HS3ST4: variants seen among roughly 807,000 people sequenced by gnomAD.
The protein encoded by HS3ST4 is heparan sulfate glucosamine 3-O-sulfotransferase 4.
A neutral mutation model predicts 29.2 loss-of-function variants in HS3ST4; 17 were observed. The observed-to-expected ratio is 0.58, with a 90% CI of 0.40 to 0.87. The LOEUF is 0.87. Among genes scored for constraint, HS3ST4 ranks in the 40% least tolerant of loss-of-function variants. The pLI is 0.00. For missense variants in HS3ST4, 627 were observed against 634.5 expected, an observed-to-expected ratio of 0.99 and a Z score of 0.13; for synonymous variants, 314 against 285.7, an observed-to-expected ratio of 1.10 and a Z score of -1.00.
At chr16:25,886,336 A>C (rs930201754) in intron 1 of HS3ST4, among the ~76,000 whole-genome samples, 1 of 152,012 alleles carries the variant, frequency 6.6e-6, no homozygotes, top group African/African-American at 2.4e-5. Context: ...TCCAGCCCTT[A>C]CCGTGTATTT....
At position 25,785,285 on chromosome 16, in the gene HS3ST4, G is replaced by C. The variant is rs913850666; in HGVS notation, c.734+92134G>C. On this transcript the variant is annotated intron_variant, in intron 1 of 1. Coordinates refer to ENST00000331351, the MANE Select transcript of HS3ST4 (RefSeq NM_006040.3). Reference sequence around the variant, plus strand: ...CCTTTTGCAGCCCATGGATAGAGGAGTAATTTGGACTTCCAAGTCTTATTA... The same window carrying C: ...CCTTTTGCAGCCCATGGATAGAGGACTAATTTGGACTTCCAAGTCTTATTA... Among the ~76,000 whole-genome samples, 3 of 152,348 alleles carry C rather than the reference G, an allele frequency of 2.0e-5. No homozygotes were observed. In the East Asian group the frequency reaches 5.8e-4, roughly 29 times the overall value.
At chr16:25,908,290 C>G (rs139447258) in intron 1 of HS3ST4, among the ~76,000 whole-genome samples, 471 of 152,236 alleles carry the variant, frequency 3.1e-3, no homozygotes, top group African/African-American at 0.011. Context: ...GCAGCATCAC[C>G]CATGAATTGC....
intron 1 of HS3ST4, among the ~76,000 whole-genome samples, chr16:25,949,820 CT>C (rs1968665515): frequency 6.6e-6 from 1 of 152,112 alleles, no homozygotes; most frequent in Admixed American, 6.6e-5. Flanking sequence ...TTTCACTAAA[CT>C]GACCAAGCAG....
intron 1 of HS3ST4, among the ~76,000 whole-genome samples, chr16:26,065,660 T>C (rs914389488): frequency 6.6e-6 from 1 of 151,718 alleles, no homozygotes; most frequent in African/African-American, 2.4e-5. Flanking sequence ...TAAAATATGG[T>C]CCAGTAAGTT....
intron 1 of HS3ST4, among the ~76,000 whole-genome samples, chr16:26,088,937 A>G (rs1165014794): frequency 2.6e-5 from 4 of 152,242 alleles, no homozygotes; most frequent in African/African-American, 4.8e-5. Flanking sequence ...CATCCAAAAT[A>G]TACCTCTCAA....
chr16:25,787,237 T>C (rs1966859016), intron 1 of HS3ST4, among the ~76,000 whole-genome samples: 1 of 152,212 alleles, frequency 6.6e-6, no homozygotes, highest in Non-Finnish European at 1.5e-5. Context: ...AGAAGAAAAA[T>C]GCTGGTTATT....
chr16:25,961,039 G>A (rs1295874485), intron 1 of HS3ST4, among the ~76,000 whole-genome samples: 5 of 152,076 alleles, frequency 3.3e-5, no homozygotes, highest in East Asian at 3.9e-4. Flanking sequence ...TACTTATTTC[G>A]TTACATAGAC....
intron 1 of HS3ST4, among the ~76,000 whole-genome samples, chr16:26,045,595 G>T (rs1028958908): frequency 6.6e-6 from 1 of 152,106 alleles, no homozygotes; most frequent in Non-Finnish European, 1.5e-5. Context: ...CTCCACACTA[G>T]ATCTGAGCTC....
intron 1 of HS3ST4, among the ~76,000 whole-genome samples, chr16:26,027,779 CTG>C (rs1283657109): frequency 2.0e-5 from 3 of 152,120 alleles, no homozygotes; most frequent in Non-Finnish European, 2.9e-5. Context: ...GAAGAAGAAA[CTG>C]AGGCTTAGGA....
intron 1 of HS3ST4, among the ~76,000 whole-genome samples, chr16:25,990,867 C>A (rs1969107840): frequency 6.6e-6 from 1 of 152,204 alleles, no homozygotes; most frequent in Admixed American, 6.5e-5. Flanking sequence ...TCAGCAAAGG[C>A]ATTCATTGTG....
At position 26,081,786 on chromosome 16, in the gene HS3ST4, C is replaced by CTT. The variant is rs56169806; in HGVS notation, c.735-53801_735-53800dup. 4.0e-3 allele frequency among the ~76,000 whole-genome samples: 338 copies of CTT among 84,986 alleles called. 27 individuals carry two copies. The highest frequency in any genetic ancestry group is 6.9e-3 in the African/African-American group (148 of 21,574). 55.8% of individuals were successfully genotyped at this position (84,986 alleles called of 152,430 possible). ...CCCCATGTACTTCAGGGAGTACATT[C>CTT]TTTTTTTTTTTTTTTTTTTTTTTTT... is the stretch of plus-strand genomic sequence containing the variant. On this transcript the variant is annotated intron_variant, in intron 1 of 1. Transcript: ENST00000331351.
Position 26,064,114 on chromosome 16 carries a change from T to C in HS3ST4, c.735-71498T>C, listed in dbSNP as rs183030189. ...AGTGTCCACGTATGTGCTGTCTGCA[T>C]GTTGGGGGCTATGGTGAGCCAGACA... On this transcript the variant is annotated intron_variant, in intron 1 of 1. Coordinates refer to ENST00000331351, the MANE Select transcript of HS3ST4 (RefSeq NM_006040.3). Among the ~76,000 whole-genome samples the C allele has an allele frequency of 2.3e-3, 357 of 152,196 alleles. 1 individual carries two copies. The highest frequency in any genetic ancestry group is 4.4e-3 in the Non-Finnish European group (297 of 67,996).
intron 1 of HS3ST4, among the ~76,000 whole-genome samples, chr16:26,057,169 A>G (rs1288879885): frequency 6.6e-6 from 1 of 152,222 alleles, no homozygotes; most frequent in Non-Finnish European, 1.5e-5. Context: ...ATCCAAAATC[A>G]GAAACACCTC....
At chr16:25,700,022 A>C (rs1202949217) in intron 1 of HS3ST4, among the ~76,000 whole-genome samples, 1 of 151,914 alleles carries the variant, frequency 6.6e-6, no homozygotes, top group East Asian at 1.9e-4. Context: ...ATCAGTACTG[A>C]CGGCCCTAAA....
intron 1 of HS3ST4, among the ~76,000 whole-genome samples, chr16:25,880,751 T>C (rs1967886056): frequency 6.6e-6 from 1 of 152,062 alleles, no homozygotes. Flanking sequence ...AATGAAATAA[T>C]AGAGGGAAAA....
intron 1 of HS3ST4, among the ~76,000 whole-genome samples, chr16:25,788,237 A>G (rs562391563): frequency 9.2e-5 from 14 of 152,116 alleles, no homozygotes; most frequent in Middle Eastern, 3.4e-3. Flanking sequence ...ATATGGCGAA[A>G]ACTTATCTTT....
chr16:26,115,378 T>A (rs1899189090), intron 1 of HS3ST4, among the ~76,000 whole-genome samples: 1 of 151,740 alleles, frequency 6.6e-6, no homozygotes, highest in Admixed American at 6.6e-5. Flanking sequence ...AGGGGATTGG[T>A]TTCCAATGAA....
At chr16:26,046,845 A>G (rs916562440) in intron 1 of HS3ST4, among the ~76,000 whole-genome samples, 2 of 152,166 alleles carry the variant, frequency 1.3e-5, no homozygotes, top group African/African-American at 4.8e-5. Flanking sequence ...TGGTACTGTT[A>G]GTATTCCCAT....
At chr16:25,724,073 C>T (rs1459072561) in intron 1 of HS3ST4, among the ~76,000 whole-genome samples, 1 of 134,524 alleles carries the variant, frequency 7.4e-6, no homozygotes, top group East Asian at 2.3e-4. Flanking sequence ...GAGGTCGTGC[C>T]ATTGCACTCC....
Sources: gnomAD v4.1 joint callset for allele counts (sites outside exome capture counted in the v4.1 genomes callset) on GRCh38, gnomAD v4.1.1 for gene constraint, MANE v1.5 for transcripts, NCBI Gene and HGNC (gene_info 2026-07-23, HGNC 2026-07-21) for gene names.